Variants in RBFOX2 observed in about 807,000 individuals in gnomAD.
The protein encoded by RBFOX2 is RNA binding protein fox-1 homolog 2.
Under a neutral mutation model 49.1 loss-of-function variants are expected in RBFOX2, and 10 were observed. The observed-to-expected ratio is 0.20, with a 90% CI of 0.13 to 0.35. RBFOX2 has a LOEUF of 0.35. Among genes scored for constraint, RBFOX2 ranks in the 10% least tolerant of loss-of-function variants. RBFOX2 has a pLI of 1.00. For synonymous variants in RBFOX2, 183 were observed against 187.4 expected (o/e 0.98, Z 0.19); for missense variants, 323 against 486.9 (o/e 0.66, Z 3.17).
rs541498052 is a variant in RBFOX2, at chr22:35,828,034, G to A, written c.27+12158C>T. ...AAATTAGCAGGGCATAATGGCACAT[G>A]CCTGTAATCCCAGCTACTTGGGAGG... On this transcript the variant is annotated intron_variant, in intron 1 of 11. Transcript: ENST00000405409. Among the ~76,000 whole-genome samples the A allele has an allele frequency of 5.3e-5, 8 of 152,168 alleles. No homozygotes were observed. The East Asian group carries it at 1.5e-3, about 29-fold the overall frequency.
chr22:36,025,144 G>C (rs2059385430), intron 1 of RBFOX2, among the ~76,000 whole-genome samples: 1 of 152,166 alleles, frequency 6.6e-6, no homozygotes, highest in South Asian at 2.1e-4. Flanking sequence ...AGGGCCTATA[G>C]ATATTTCTAA....
chr22:35,981,569 G>C (rs528658410), intron 1 of RBFOX2, among the ~76,000 whole-genome samples: 2 of 151,112 alleles, frequency 1.3e-5, no homozygotes, highest in East Asian at 3.9e-4. Flanking sequence ...TTGAACCTAG[G>C]AGTCTGAGAT....
Position 35,756,090 on chromosome 22 carries a change from A to G in RBFOX2, c.887+3798T>C. The G allele has an allele frequency of 1.4e-6, 2 of 1,405,390 alleles. No individual in the cohort carries two copies. Among genetic ancestry groups the G allele is most frequent in the South Asian group, 1.8e-5 (1 of 55,790 alleles). The allele number at this position is 1,405,390 out of a possible 1,614,324, so 87.1% of individuals were successfully genotyped here. A position where few individuals can be genotyped will look rare whatever the true frequency, so the allele number is the denominator to read the frequency against. ...CAGGGGATGGGGTCGAGAAGGCCCC[A>G]GTGTGTGTACTTACATAGAGGTCAG... On this transcript the variant is annotated intron_variant, in intron 9 of 11. Coordinates refer to ENST00000405409, the Ensembl canonical transcript of RBFOX2.
At chr22:35,892,003 T>C (rs1173790785) in intron 1 of RBFOX2, among the ~76,000 whole-genome samples, 1 of 152,234 alleles carries the variant, frequency 6.6e-6, no homozygotes, top group African/African-American at 2.4e-5. Context: ...AAGTTCTCCC[T>C]AGATGAATTC....
At chr22:35,799,451 G>T (rs962594708) in intron 2 of RBFOX2, among the ~76,000 whole-genome samples, 1 of 152,094 alleles carries the variant, frequency 6.6e-6, no homozygotes, top group Non-Finnish European at 1.5e-5. Context: ...GGTTAAAATC[G>T]ATTTCTAAAA....
chr22:35,926,799 C>G (rs1280181365), intron 1 of RBFOX2, among the ~76,000 whole-genome samples: 1 of 152,068 alleles, frequency 6.6e-6, no homozygotes, highest in Non-Finnish European at 1.5e-5. Context: ...CCAGGACCCA[C>G]AAAAACCAAA....
intron 2 of RBFOX2, among the ~76,000 whole-genome samples, chr22:35,806,344 T>C (rs1277304412): frequency 6.6e-6 from 1 of 152,038 alleles, no homozygotes; most frequent in Non-Finnish European, 1.5e-5. Flanking sequence ...GTAATAATTA[T>C]AATAGTGTAT....
chr22:36,024,801 C>T (rs1249415899), intron 1 of RBFOX2, among the ~76,000 whole-genome samples: 5 of 151,828 alleles, frequency 3.3e-5, no homozygotes, highest in Admixed American at 6.6e-5. Flanking sequence ...ACACTGGCTA[C>T]GATAAGATTT....
intron 1 of RBFOX2, among the ~76,000 whole-genome samples, chr22:35,878,189 G>C (rs1186051715): frequency 1.3e-5 from 2 of 151,976 alleles, no homozygotes; most frequent in African/African-American, 2.4e-5. Flanking sequence ...CTAAGGTCAA[G>C]AGTTCAAGAC....
chr22:35,998,408 C>G (rs2058276589), intron 1 of RBFOX2: 1 of 152,128 alleles, frequency 6.6e-6, no homozygotes, highest in South Asian at 2.1e-4. Flanking sequence ...CGGAGTTTCG[C>G]TCTTGTCGCC....
At chr22:35,877,995 A>T (rs1232216458) in intron 1 of RBFOX2, among the ~76,000 whole-genome samples, 1 of 151,538 alleles carries the variant, frequency 6.6e-6, no homozygotes, top group African/African-American at 2.4e-5. Context: ...GTGGGAAAAA[A>T]AGTTTTTATT....
chr22:35,836,085 G>A (rs914525441), intron 1 of RBFOX2, among the ~76,000 whole-genome samples: 1 of 152,118 alleles, frequency 6.6e-6, no homozygotes, highest in Non-Finnish European at 1.5e-5. Context: ...CAGCTCCGTG[G>A]ATGAAGGGTG....
chr22:35,878,157 G>A (rs577694029), intron 1 of RBFOX2, among the ~76,000 whole-genome samples: 2 of 152,106 alleles, frequency 1.3e-5, no homozygotes, highest in South Asian at 4.2e-4. Context: ...AGCACTGTGG[G>A]AGGCCGAGGT....
Position 35,885,852 on chromosome 22 carries a change from T to A in RBFOX2, c.-34+52995A>T, listed in dbSNP as rs995467458. On this transcript the variant is annotated intron_variant, in intron 1 of 13. Coordinates refer to the RBFOX2 transcript ENST00000359369. ...GTGAAACCCAAACCTAATTTTTTTT[T>A]TTTTTTTTTTTTTTTTTTTTTTGAG... is the stretch of plus-strand genomic sequence containing the variant. 5.3e-4 allele frequency among the ~76,000 whole-genome samples: 63 copies of A among 119,562 alleles called. 1 individual carries two copies. The East Asian group carries it at 0.014, about 27-fold the overall frequency. The allele number at this position is 119,562 out of a possible 152,430, so 78.4% of individuals were successfully genotyped here. A position where few individuals can be genotyped will look rare whatever the true frequency, so the allele number is the denominator to read the frequency against.
chr22:36,008,874 A>G (rs1249608259), intron 1 of RBFOX2, among the ~76,000 whole-genome samples: 1 of 152,160 alleles, frequency 6.6e-6, no homozygotes, highest in East Asian at 1.9e-4. Flanking sequence ...GTATTGTCCT[A>G]CCTTAAAGTA....
intron 8 of RBFOX2, 102 bp from the exon 10 acceptor site, chr22:35,760,122 T>C: frequency 6.8e-7 from 1 of 1,474,264 alleles, no homozygotes. Context: ...GATGGAAAGA[T>C]ACGAACCACA....
chr22:35,917,699 G>T (rs576681979), intron 1 of RBFOX2, among the ~76,000 whole-genome samples: 1 of 152,288 alleles, frequency 6.6e-6, no homozygotes, highest in African/African-American at 2.4e-5. Context: ...GGCCAGAAGG[G>T]GCTGGGTTCT....
At chr22:35,821,883 T>C (rs552521284) in intron 1 of RBFOX2, 2 of 518,796 alleles carry the variant, frequency 3.9e-6, no homozygotes, top group African/African-American at 1.9e-5. Flanking sequence ...ATGGCAAACT[T>C]TGACCAAAAG....
chr22:35,832,478 AATGCT>A (rs1956980276), intron 1 of RBFOX2, among the ~76,000 whole-genome samples: 1 of 152,216 alleles, frequency 6.6e-6, no homozygotes, highest in Non-Finnish European at 1.5e-5. Context: ...ATGTTTAGCA[AATGCT>A]GGGAAGGAGG....
Sources: allele counts gnomAD v4.1 joint callset (sites outside exome capture counted in the v4.1 genomes callset), GRCh38; gene constraint gnomAD v4.1.1; transcripts MANE v1.5; gene names NCBI Gene and HGNC (gene_info 2026-07-23, HGNC 2026-07-21).